Variants in ABTB2 observed in about 807,000 individuals in gnomAD.
ABTB2 encodes ankyrin repeat and BTB/POZ domain-containing protein 2.
In ABTB2, 56 loss-of-function variants were observed where a neutral mutation model predicts 104.1. The ratio of observed to expected loss-of-function variants is 0.54; its 90% confidence interval spans 0.43 to 0.67. ABTB2 has a LOEUF of 0.67. Ranked by LOEUF, ABTB2 falls within the 30% of genes least tolerant of loss-of-function variation. The pLI is 0.00. For missense variants in ABTB2, 1,279 were observed against 1,407.7 expected, an observed-to-expected ratio of 0.91 and a Z score of 1.46; for synonymous variants, 606 against 608.2, an observed-to-expected ratio of 1.00 and a Z score of 0.05.
intron 1 of ABTB2, among the ~76,000 whole-genome samples, chr11:34,231,787 G>C (rs1384314107): frequency 1.3e-5 from 2 of 152,164 alleles, no homozygotes; most frequent in African/African-American, 4.8e-5. Flanking sequence ...CCGGCCGATA[G>C]TGTGTATTCT....
intron 1 of ABTB2, among the ~76,000 whole-genome samples, chr11:34,321,753 G>A (rs575988102): frequency 3.9e-5 from 6 of 152,188 alleles, no homozygotes; most frequent in African/African-American, 7.2e-5. Context: ...CATGATGTTC[G>A]CATATACCAT....
At chr11:34,175,036 C>T (rs1467422411) in intron 3 of ABTB2, among the ~76,000 whole-genome samples, 1 of 152,264 alleles carries the variant, frequency 6.6e-6, no homozygotes, top group Non-Finnish European at 1.5e-5. Flanking sequence ...GGTCTCTCCC[C>T]TTGACATGCA....
chr11:34,311,943 C>T (rs1294906155), intron 1 of ABTB2, among the ~76,000 whole-genome samples: 1 of 152,102 alleles, frequency 6.6e-6, no homozygotes, highest in Non-Finnish European at 1.5e-5. Flanking sequence ...GAGTTGGAGA[C>T]CAGCCTGGCC....
intron 1 of ABTB2, among the ~76,000 whole-genome samples, chr11:34,311,525 C>T (rs1167290038): frequency 3.3e-5 from 5 of 152,142 alleles, no homozygotes; most frequent in Admixed American, 3.3e-4. Flanking sequence ...TAAGGCAGAG[C>T]GCCTCACGTA....
At chr11:34,325,746 T>A (rs1039939778) in intron 1 of ABTB2, among the ~76,000 whole-genome samples, 1 of 151,696 alleles carries the variant, frequency 6.6e-6, no homozygotes, top group African/African-American at 2.4e-5. Flanking sequence ...AGGCCAGGAG[T>A]TCGAGACCAG....
At chr11:34,244,932 C>A (rs956257617) in intron 1 of ABTB2, among the ~76,000 whole-genome samples, 1 of 93,736 alleles carries the variant, frequency 1.1e-5, no homozygotes, top group Non-Finnish European at 2.3e-5. Flanking sequence ...CGCCTGAGCC[C>A]GGGAAGTCAA....
At chr11:34,334,126 C>T (rs1027322260) in intron 1 of ABTB2, among the ~76,000 whole-genome samples, 6 of 152,122 alleles carry the variant, frequency 3.9e-5, no homozygotes, top group African/African-American at 1.4e-4. Context: ...CCAACCCAAA[C>T]GTTTCCTTCT....
rs759490655 is a variant in ABTB2, at chr11:34,357,567, C to T, written c.17G>A (p.Ser6Asn). The T allele has an allele frequency of 3.0e-5, 45 of 1,519,166 alleles. No homozygotes were observed. The highest frequency in any genetic ancestry group is 1.7e-4 in the South Asian group (14 of 83,256). The allele number at this position is 1,519,166 out of a possible 1,614,324, so 94.1% of individuals were successfully genotyped here. The change falls in exon 1 of 17, where the codon AGC becomes AAC. Residue 6 changes from serine to asparagine, a missense_variant. Coordinates refer to ENST00000435224, the MANE Select transcript of ABTB2 (RefSeq NM_145804.3). ...GTCCTCCAGCGTCTTCAGAGTCGAG[C>T]TGTACGTCCCGGCCATGGGGAGCCT... The part of the protein sequence containing the change: MAGTY[S>N]STLKTLEDLT...
intron 1 of ABTB2, among the ~76,000 whole-genome samples, chr11:34,288,604 T>G (rs1011427958): frequency 1.3e-5 from 2 of 152,004 alleles, no homozygotes; most frequent in African/African-American, 2.4e-5. Context: ...GTCTCTTGGT[T>G]GTTTTCGGCC....
At chr11:34,282,567 C>T (rs1284623344) in intron 1 of ABTB2, among the ~76,000 whole-genome samples, 1 of 151,926 alleles carries the variant, frequency 6.6e-6, no homozygotes. Flanking sequence ...CACTCTGTTG[C>T]CCAGGCTGGA....
intron 1 of ABTB2, among the ~76,000 whole-genome samples, chr11:34,286,442 G>C (rs113478974): frequency 3.4e-4 from 51 of 151,872 alleles, no homozygotes; most frequent in Middle Eastern, 3.4e-3. Context: ...ACAGGCACCC[G>C]CCACCACACC....
At chr11:34,236,447 A>G (rs1318200304) in intron 1 of ABTB2, among the ~76,000 whole-genome samples, 2 of 152,172 alleles carry the variant, frequency 1.3e-5, no homozygotes, top group African/African-American at 2.4e-5. Flanking sequence ...GGGTCACTCG[A>G]CAGGTTTCAG....
intron 14 of ABTB2, among the ~76,000 whole-genome samples, chr11:34,156,907 C>T (rs921915848): frequency 6.6e-5 from 10 of 152,110 alleles, no homozygotes; most frequent in African/African-American, 2.2e-4. Flanking sequence ...TCAATTTCAC[C>T]TGCTCTTTAT....
At chr11:34,319,151 AC>A (rs1277460450) in intron 1 of ABTB2, among the ~76,000 whole-genome samples, 1 of 152,202 alleles carries the variant, frequency 6.6e-6, no homozygotes, top group Non-Finnish European at 1.5e-5. Flanking sequence ...ACAACAGATG[AC>A]CCAGGGAAAG....
At chr11:34,355,218 T>C (rs79355441) in intron 1 of ABTB2, among the ~76,000 whole-genome samples, 1 of 152,182 alleles carries the variant, frequency 6.6e-6, no homozygotes, top group African/African-American at 2.4e-5. Context: ...AAAACTGGGC[T>C]AATCAAAAAA....
intron 1 of ABTB2, among the ~76,000 whole-genome samples, chr11:34,327,467 C>T (rs900776648): frequency 1.3e-5 from 2 of 152,126 alleles, no homozygotes; most frequent in Admixed American, 1.3e-4. Flanking sequence ...CGTGGCCTGG[C>T]TCTCACTCTC....
At chr11:34,179,868 T>C (rs1471565377) in intron 3 of ABTB2, among the ~76,000 whole-genome samples, 1 of 152,200 alleles carries the variant, frequency 6.6e-6, no homozygotes, top group Non-Finnish European at 1.5e-5. Flanking sequence ...TGTGGGTCTA[T>C]GCAAGTTACT....
intron 1 of ABTB2, among the ~76,000 whole-genome samples, chr11:34,241,666 A>C (rs1853917550): frequency 6.6e-6 from 1 of 152,200 alleles, no homozygotes; most frequent in African/African-American, 2.4e-5. Flanking sequence ...CCAAGGCAGG[A>C]GGATCGCTTG....
chr11:34,249,894 T>C (rs139102589), intron 1 of ABTB2, among the ~76,000 whole-genome samples: 18 of 152,338 alleles, frequency 1.2e-4, no homozygotes, highest in African/African-American at 4.3e-4. Flanking sequence ...ACAAAGCTTG[T>C]GGCCTGGCTG....
Sources: allele counts gnomAD v4.1 joint callset (sites outside exome capture counted in the v4.1 genomes callset), GRCh38; gene constraint gnomAD v4.1.1; transcripts MANE v1.5; gene names NCBI Gene and HGNC (gene_info 2026-07-23, HGNC 2026-07-21).